EGLN3: variants seen among roughly 807,000 people sequenced by gnomAD.
EGLN3 encodes prolyl hydroxylase EGLN3.
A neutral mutation model predicts 26.0 loss-of-function variants in EGLN3; 15 were observed. The observed-to-expected ratio is 0.58, with a 90% CI of 0.39 to 0.89. EGLN3 has a LOEUF of 0.89. EGLN3 is among the 40% of genes least tolerant of loss of function. The probability of loss-of-function intolerance (pLI) is 0.00; values close to 1 mark genes in which losing one functional copy is unlikely to be tolerated. For synonymous variants in EGLN3, 147 were observed against 127.2 expected (o/e 1.16, Z -1.05); for missense variants, 238 against 311.6 (o/e 0.76, Z 1.78).
At chr14:33,935,274 C>G (rs1240230770) in intron 1 of EGLN3, among the ~76,000 whole-genome samples, 2 of 152,154 alleles carry the variant, frequency 1.3e-5, no homozygotes, top group African/African-American at 4.8e-5. Flanking sequence ...TGTTTGTCTT[C>G]CCCTCAACTG....
chr14:33,939,744 T>C (rs1190627978), intron 1 of EGLN3, among the ~76,000 whole-genome samples: 1 of 152,152 alleles, frequency 6.6e-6, no homozygotes, highest in Non-Finnish European at 1.5e-5. Flanking sequence ...CCGCATGAAG[T>C]AGGAACATTA....
intron 1 of EGLN3, among the ~76,000 whole-genome samples, chr14:33,934,466 T>TAAAAAAA (rs369949234): frequency 1.1e-3 from 151 of 138,376 alleles, no homozygotes; most frequent in African/African-American, 3.6e-3. Context: ...GCTGACTTCA[T>TAAAAAAA]AAAAAAAAAA....
In EGLN3 at chr14:33,951,036, T is replaced by A. The variant is rs2064558675; in HGVS notation, c.-284A>T. On this transcript the variant is annotated 5_prime_UTR_variant, in exon 1 of 5. Coordinates refer to ENST00000250457, the MANE Select transcript of EGLN3 (RefSeq NM_022073.4). Reference sequence around the variant, plus strand: ...GGCGCAAGGAGTCGGAGGGCGCCTTTTGGGGATGGGAAGCCACCACTGCCG... The same window carrying A: ...GGCGCAAGGAGTCGGAGGGCGCCTTATGGGGATGGGAAGCCACCACTGCCG... 1 of 397,072 alleles carries A rather than the reference T, an allele frequency of 2.5e-6. No individual in the cohort carries two copies. The highest frequency in any genetic ancestry group is 5.6e-5 in the South Asian group (1 of 17,758). The allele number at this position is 397,072 out of a possible 1,614,324, so 24.6% of individuals were successfully genotyped here.
chr14:33,931,393 C>A, intron 1 of EGLN3, 178 bp from the exon 2 acceptor site: 1 of 785,750 alleles, frequency 1.3e-6, no homozygotes. Context: ...TGCACAATGG[C>A]CAGGTCATAC....
chr14:33,951,044 G>T lies in EGLN3; in HGVS notation c.-292C>A. The T allele has an allele frequency of 2.6e-6, 1 of 381,156 alleles. No homozygotes were observed. Among genetic ancestry groups the T allele is most frequent in the Non-Finnish European group, 4.7e-6 (1 of 212,874 alleles). The allele number at this position is 381,156 out of a possible 1,614,324, so 23.6% of individuals were successfully genotyped here. ...GAGTCGGAGGGCGCCTTTTGGGGAT[G>T]GGAAGCCACCACTGCCGCGACTGCG... is the stretch of plus-strand genomic sequence containing the variant. On this transcript the variant is annotated 5_prime_UTR_variant, in exon 1 of 5. Coordinates refer to ENST00000250457, the MANE Select transcript of EGLN3 (RefSeq NM_022073.4).
intron 1 of EGLN3, chr14:33,948,181 AAAG>A (rs1463767789): frequency 6.6e-6 from 1 of 152,200 alleles, no homozygotes; most frequent in Non-Finnish European, 1.5e-5. Flanking sequence ...GAGTGAAGAA[AAAG>A]AAGGATAAAT....
chr14:33,944,729 A>G (rs1317140767), intron 1 of EGLN3, among the ~76,000 whole-genome samples: 1 of 152,236 alleles, frequency 6.6e-6, no homozygotes, highest in Non-Finnish European at 1.5e-5. Flanking sequence ...ACTGCACACT[A>G]CACTCAACTC....
chr14:33,941,456 CACATA>C (rs1366591840), intron 1 of EGLN3, among the ~76,000 whole-genome samples: 1 of 152,008 alleles, frequency 6.6e-6, no homozygotes, highest in African/African-American at 2.4e-5. Context: ...GAGATGGTCT[CACATA>C]ACATGTCACT....
At chr14:33,936,617 G>A (rs2064444522) in intron 1 of EGLN3, among the ~76,000 whole-genome samples, 1 of 152,146 alleles carries the variant, frequency 6.6e-6, no homozygotes, top group African/African-American at 2.4e-5. Context: ...ATCTGAGGGA[G>A]GGGAAAGGGG....
chr14:33,927,044 T>C lies in EGLN3; in HGVS notation c.615-11A>G. ...ACAGTCATAGCATATCTGTGAAAGA[T>C]AAGCAGATATAAGGAAAGAGATTTA... On this transcript the variant is annotated splice_polypyrimidine_tract_variant and intron_variant, in intron 3 of 4. Transcript: ENST00000250457. 5 of 1,577,480 alleles carry C rather than the reference T, an allele frequency of 3.2e-6. No homozygotes were observed. Among genetic ancestry groups the C allele is most frequent in the Non-Finnish European group, 4.3e-6 (5 of 1,161,194 alleles).
intron 2 of EGLN3, among the ~76,000 whole-genome samples, chr14:33,930,175 A>G (rs1165756085): frequency 6.6e-6 from 1 of 152,218 alleles, no homozygotes; most frequent in African/African-American, 2.4e-5. Flanking sequence ...TTGTTAAATG[A>G]TTCCAGACCT....
intron 1 of EGLN3, 99 bp downstream of exon 1, chr14:33,950,297 A>G: frequency 1.7e-6 from 2 of 1,177,632 alleles, no homozygotes; most frequent in Non-Finnish European, 2.5e-6. Context: ...GTTAAAAAAC[A>G]AAGTTCGCTT....
chr14:33,924,639 A>C lies in EGLN3; in HGVS notation c.*1252T>G, dbSNP rs1476910629. 2 of 152,128 alleles carry C rather than the reference A, an allele frequency of 1.3e-5. No homozygotes were observed. Among genetic ancestry groups the C allele is most frequent in the African/African-American group, 4.8e-5 (2 of 41,430 alleles). The allele number at this position is 152,128 out of a possible 1,614,324, so 9.4% of individuals were successfully genotyped here. Reference sequence around the variant, plus strand: ...AATTAAAGGGATTTTTAAAACATGAAAGTAATACTGAAAACTAGGAAAAGT... The same window carrying C: ...AATTAAAGGGATTTTTAAAACATGACAGTAATACTGAAAACTAGGAAAAGT... On this transcript the variant is annotated 3_prime_UTR_variant, in exon 5 of 5. Transcript: ENST00000250457.
intron 1 of EGLN3, among the ~76,000 whole-genome samples, chr14:33,945,274 A>G (rs2064509845): frequency 6.6e-6 from 1 of 152,210 alleles, no homozygotes; most frequent in Non-Finnish European, 1.5e-5. Context: ...GTAGATTTCT[A>G]AGATTCTAAT....
intron 2 of EGLN3, 53 bp downstream of exon 2, chr14:33,931,043 T>C: frequency 6.2e-7 from 1 of 1,605,780 alleles, no homozygotes; most frequent in Non-Finnish European, 8.5e-7. Context: ...GTTATCTGAA[T>C]CATTTTCCTG....
At chr14:33,940,536 A>G (rs1162098301) in intron 1 of EGLN3, among the ~76,000 whole-genome samples, 3 of 152,174 alleles carry the variant, frequency 2.0e-5, no homozygotes, top group African/African-American at 7.2e-5. Flanking sequence ...CTCAAACTTT[A>G]GCATGTATGA....
chr14:33,948,371 T>A (rs917406700), intron 1 of EGLN3: 2 of 152,224 alleles, frequency 1.3e-5, no homozygotes, highest in African/African-American at 4.8e-5. Context: ...AAGCCTGGTT[T>A]GCATTTGGTT....
chr14:33,933,166 A>G (rs1240887469), intron 1 of EGLN3, among the ~76,000 whole-genome samples: 1 of 152,186 alleles, frequency 6.6e-6, no homozygotes, highest in African/African-American at 2.4e-5. Context: ...TCTCTTTCCT[A>G]TAAAGAGGGG....
At chr14:33,946,035 G>A (rs185793330) in intron 1 of EGLN3, among the ~76,000 whole-genome samples, 37 of 152,150 alleles carry the variant, frequency 2.4e-4, no homozygotes, top group African/African-American at 8.9e-4. Context: ...AGCTAGTCTG[G>A]TCAGGAATCC....
Sources: allele counts gnomAD v4.1 joint callset (sites outside exome capture counted in the v4.1 genomes callset), GRCh38; gene constraint gnomAD v4.1.1; transcripts MANE v1.5; gene names NCBI Gene and HGNC (gene_info 2026-07-23, HGNC 2026-07-21).